ADAMTS6: variants seen among roughly 807,000 people sequenced by gnomAD.
ADAMTS6 encodes ADAM metallopeptidase with thrombospondin type 1 motif 6.
A neutral mutation model predicts 144.3 loss-of-function variants in ADAMTS6; 23 were observed. The ratio of observed to expected loss-of-function variants is 0.16; its 90% CI spans 0.11 to 0.23. The LOEUF (loss-of-function observed/expected upper bound fraction) is 0.23. ADAMTS6 is among the 10% of genes least tolerant of loss of function. ADAMTS6 has a pLI of 1.00. For missense variants in ADAMTS6, 999 were observed against 1,379.6 expected (o/e 0.72, Z 4.37); for synonymous variants, 444 against 457.5 (o/e 0.97, Z 0.38).
chr5:65,411,957 G>A (rs1424459678), intron 7 of ADAMTS6, among the ~76,000 whole-genome samples: 1 of 152,062 alleles, frequency 6.6e-6, no homozygotes, highest in African/African-American at 2.4e-5. Context: ...CAGTACTAAT[G>A]TTAATAATAG....
intron 4 of ADAMTS6, among the ~76,000 whole-genome samples, chr5:65,458,383 A>G (rs1444270899): frequency 6.6e-6 from 1 of 152,118 alleles, no homozygotes; most frequent in Non-Finnish European, 1.5e-5. Context: ...AGGATAATAC[A>G]TATCATACAC....
At position 65,455,157 on chromosome 5, in the gene ADAMTS6, G is replaced by A. The variant is rs138209406; in HGVS notation, c.632-2239C>T. On this transcript the variant is annotated intron_variant, in intron 4 of 24. Transcript: ENST00000381055. ...TTCTTTTGATCATTTCCCCTTCTCC[G>A]ACCCATTCAATTTCTCCTTTTTATT... is the stretch of plus-strand genomic sequence containing the variant. 7.2e-3 allele frequency among the ~76,000 whole-genome samples: 1,098 copies of A among 152,064 alleles called. 12 individuals carry two copies. Among genetic ancestry groups the A allele is most frequent in the Non-Finnish European group, 8.1e-3 (548 of 67,994 alleles).
At chr5:65,244,610 C>T (rs1398130853) in intron 14 of ADAMTS6, among the ~76,000 whole-genome samples, 4 of 152,104 alleles carry the variant, frequency 2.6e-5, no homozygotes, top group Admixed American at 6.6e-5. Context: ...TATTATGTGG[C>T]ACACTGTTCC....
chr5:65,265,012 G>C (rs1291476974), intron 12 of ADAMTS6, among the ~76,000 whole-genome samples: 1 of 152,010 alleles, frequency 6.6e-6, no homozygotes, highest in Non-Finnish European at 1.5e-5. Flanking sequence ...CCTAGTAGAT[G>C]GTACCAAATT....
intron 9 of ADAMTS6, among the ~76,000 whole-genome samples, chr5:65,309,591 T>TACACACACACACACACACACACACAC (rs149843490): frequency 6.8e-6 from 1 of 147,204 alleles, no homozygotes; most frequent in African/African-American, 2.5e-5. Flanking sequence ...CCTGTTATAA[T>TACACACACACACACACACACACACAC]ACACACACAC....
intron 10 of ADAMTS6, among the ~76,000 whole-genome samples, chr5:65,295,201 T>C (rs1742717647): frequency 6.6e-6 from 1 of 152,182 alleles, no homozygotes; most frequent in Non-Finnish European, 1.5e-5. Flanking sequence ...CTGGTATAAA[T>C]GTGTAAATCT....
At chr5:65,179,100 G>A (rs2112123904) in intron 22 of ADAMTS6, among the ~76,000 whole-genome samples, 1 of 152,312 alleles carries the variant, frequency 6.6e-6, no homozygotes, top group Non-Finnish European at 1.5e-5. Flanking sequence ...GCCGAAGCAT[G>A]AGAAAACTCA....
At chr5:65,466,412 C>T (rs1760005531) in intron 3 of ADAMTS6, among the ~76,000 whole-genome samples, 2 of 152,186 alleles carry the variant, frequency 1.3e-5, no homozygotes, top group Non-Finnish European at 2.9e-5. Flanking sequence ...AGGGTCTTTG[C>T]TCAATACTTT....
intron 9 of ADAMTS6, among the ~76,000 whole-genome samples, chr5:65,322,243 C>A (rs961581624): frequency 1.3e-5 from 2 of 152,134 alleles, no homozygotes; most frequent in African/African-American, 4.8e-5. Context: ...GTTCTTGTAC[C>A]AGTACCATGC....
At chr5:65,207,605 C>T (rs745717034) in intron 20 of ADAMTS6, among the ~76,000 whole-genome samples, 30 of 152,112 alleles carry the variant, frequency 2.0e-4, no homozygotes, top group Middle Eastern at 3.4e-3. Flanking sequence ...GAGAACACAC[C>T]CAGAAAAGTA....
At chr5:65,211,306 AAAGTAAGC>A (rs1252064450) in intron 20 of ADAMTS6, among the ~76,000 whole-genome samples, 31 of 152,158 alleles carry the variant, frequency 2.0e-4, no homozygotes, top group African/African-American at 7.2e-4. Flanking sequence ...CCACCTATTC[AAAGTAAGC>A]AAGATGGCTG....
intron 7 of ADAMTS6, among the ~76,000 whole-genome samples, chr5:65,369,512 A>G (rs1750638421): frequency 6.6e-6 from 1 of 150,982 alleles, no homozygotes; most frequent in Non-Finnish European, 1.5e-5. Context: ...TAGCTAGCTA[A>G]ACCATTAATC....
intron 8 of ADAMTS6, among the ~76,000 whole-genome samples, chr5:65,332,340 G>T (rs1746844378): frequency 6.9e-6 from 1 of 145,708 alleles, no homozygotes; most frequent in Non-Finnish European, 1.5e-5. Context: ...GAGAGAGAGA[G>T]TGTATATGTG....
intron 7 of ADAMTS6, among the ~76,000 whole-genome samples, chr5:65,388,893 A>G (rs1752682019): frequency 6.6e-6 from 1 of 152,168 alleles, no homozygotes; most frequent in South Asian, 2.1e-4. Flanking sequence ...AAGGCTCAAA[A>G]AAGTCACAAT....
In ADAMTS6 at chr5:65,302,253, TATTATATATTAATATCTAA is replaced by T. The variant is rs555972822; in HGVS notation, c.1224-2141_1224-2123del. On this transcript the variant is annotated intron_variant, in intron 9 of 24. Transcript: ENST00000381055. Reference sequence around the variant, plus strand: ...ATATAATTATTATATACATATACATTATTATATATTAATATCTAAATTATATATAAAATATTAATATATA... The same window carrying T: ...ATATAATTATTATATACATATACATTATTATATATAAAATATTAATATATA... Among the ~76,000 whole-genome samples the T allele has an allele frequency of 9.9e-3, 1,412 of 143,214 alleles. 18 individuals carry two copies. Among genetic ancestry groups the T allele is most frequent in the African/African-American group, 0.034 (1,326 of 38,772 alleles). The allele number at this position is 143,214 out of a possible 152,430, so 94.0% of individuals were successfully genotyped here.
intron 4 of ADAMTS6, among the ~76,000 whole-genome samples, chr5:65,457,021 C>G (rs1161045970): frequency 6.6e-6 from 1 of 152,196 alleles, no homozygotes; most frequent in Non-Finnish European, 1.5e-5. Context: ...AAATTCACAT[C>G]TCTCACTTGA....
chr5:65,428,130 G>A (rs2150210993), intron 7 of ADAMTS6, among the ~76,000 whole-genome samples: 1 of 150,150 alleles, frequency 6.7e-6, no homozygotes, highest in East Asian at 2.0e-4. Context: ...AGAGGCTGAG[G>A]CAGGAGAATC....
chr5:65,441,881 G>T (rs999572091), intron 7 of ADAMTS6, among the ~76,000 whole-genome samples: 7 of 150,506 alleles, frequency 4.7e-5, no homozygotes, highest in Non-Finnish European at 1.0e-4. Context: ...AAAGTATTTT[G>T]AACTGAATGG....
At chr5:65,250,463 G>T (rs975907615) in intron 14 of ADAMTS6, among the ~76,000 whole-genome samples, 1 of 152,062 alleles carries the variant, frequency 6.6e-6, no homozygotes, top group African/African-American at 2.4e-5. Flanking sequence ...CATTGAAAAG[G>T]AAAAAAATTG....
Sources: gnomAD v4.1 joint callset for allele counts (sites outside exome capture counted in the v4.1 genomes callset) on GRCh38, gnomAD v4.1.1 for gene constraint, MANE v1.5 for transcripts, NCBI Gene and HGNC (gene_info 2026-07-23, HGNC 2026-07-21) for gene names.